The following HSD17B3 variants were observed in gnomAD, a reference collection of about 807,000 sequenced individuals.
HSD17B3 encodes the protein 17-beta-hydroxysteroid dehydrogenase type 3.
HSD17B3 carries 29 observed loss-of-function variants against 41.1 expected under a neutral mutation model. That is an observed-to-expected ratio of 0.71 (90% CI 0.53 to 0.96). The LOEUF (loss-of-function observed/expected upper bound fraction) is 0.96. HSD17B3 is among the 40% of genes least tolerant of loss of function. HSD17B3 has a pLI of 0.00. For synonymous variants in HSD17B3, 126 were observed against 145.6 expected (o/e 0.87, Z 0.97); for missense variants, 323 against 374.6 (o/e 0.86, Z 1.14).
At chr9:96,245,498 G>C (rs879766927) in intron 7 of HSD17B3, 72 bp from the exon 8 acceptor site, 3 of 1,151,624 alleles carry the variant, frequency 2.6e-6, no homozygotes, top group Non-Finnish European at 3.9e-6. Context: ...GAAAACAAAG[G>C]GTCCCGTGTG....
chr9:96,250,649 G>A (rs1836860051), intron 5 of HSD17B3, among the ~76,000 whole-genome samples: 1 of 152,146 alleles, frequency 6.6e-6, no homozygotes, highest in African/African-American at 2.4e-5. Context: ...CACTTTGGGA[G>A]GCCGAGCCAG....
chr9:96,288,334 G>A (rs1225063262), intron 2 of HSD17B3, among the ~76,000 whole-genome samples: 1 of 152,116 alleles, frequency 6.6e-6, no homozygotes, highest in Non-Finnish European at 1.5e-5. Flanking sequence ...TGACACCATC[G>A]ATCCTGAAGT....
At chr9:96,277,921 G>A (rs1488166632) in intron 2 of HSD17B3, among the ~76,000 whole-genome samples, 2 of 151,730 alleles carry the variant, frequency 1.3e-5, no homozygotes, top group Non-Finnish European at 2.9e-5. Context: ...TGACATTTAT[G>A]ACAACATGGA....
chr9:96,264,382 A>G (rs1019917972), intron 2 of HSD17B3, among the ~76,000 whole-genome samples: 1 of 152,226 alleles, frequency 6.6e-6, no homozygotes, highest in African/African-American at 2.4e-5. Flanking sequence ...TGTATGGATC[A>G]ATGATAATAA....
chr9:96,275,165 G>C (rs368789031), intron 2 of HSD17B3, among the ~76,000 whole-genome samples: 2 of 151,876 alleles, frequency 1.3e-5, no homozygotes, highest in African/African-American at 2.4e-5. Context: ...GAAAGATAAC[G>C]TGTTTCCCAG....
intron 2 of HSD17B3, among the ~76,000 whole-genome samples, chr9:96,256,030 T>G (rs1382814449): frequency 6.6e-6 from 1 of 152,198 alleles, no homozygotes; most frequent in Non-Finnish European, 1.5e-5. Context: ...GTGAGAAAAG[T>G]TAGAGTTTTT....
At chr9:96,268,670 C>G (rs905071099) in intron 2 of HSD17B3, among the ~76,000 whole-genome samples, 2 of 152,124 alleles carry the variant, frequency 1.3e-5, no homozygotes, top group Admixed American at 6.5e-5. Context: ...TTTGGAAAGC[C>G]AGGCATGGTG....
At chr9:96,288,833 A>G (rs1001715650) in intron 2 of HSD17B3, among the ~76,000 whole-genome samples, 4 of 151,856 alleles carry the variant, frequency 2.6e-5, no homozygotes, top group African/African-American at 9.7e-5. Context: ...GCTACTGAGG[A>G]GGCTGAGGCA....
rs1163030014 is a variant in HSD17B3 at position 96,273,247 on chromosome 9, TAGTCCACACACCCCCATA to T, written c.202-18322_202-18305del. On this transcript the variant is annotated intron_variant, in intron 2 of 10. Transcript: ENST00000375263. The stretch of plus-strand genomic sequence containing the variant: ...ATCTCTCTATAGTACTATGAGATCT[TAGTCCACACACCCCCATA>T]ATTTAACATTTATCCACCAATAAAA... 3.3e-5 allele frequency among the ~76,000 whole-genome samples: 5 copies of T among 152,314 alleles called. No individual in the cohort carries two copies. The East Asian group carries it at 7.7e-4, about 23-fold the overall frequency.
At chr9:96,296,159 T>C (rs1377842271) in intron 2 of HSD17B3, among the ~76,000 whole-genome samples, 1 of 151,768 alleles carries the variant, frequency 6.6e-6, no homozygotes, top group Non-Finnish European at 1.5e-5. Context: ...TGAGTGGGAG[T>C]ATCACTTGAG....
At chr9:96,298,554 G>T in intron 1 of HSD17B3, 92 bp from the exon 2 acceptor site, 1 of 1,064,282 alleles carries the variant, frequency 9.4e-7, no homozygotes, top group Non-Finnish European at 1.5e-6. Flanking sequence ...CTAGTCTCCA[G>T]GGCAGTCAGT....
At chr9:96,285,676 T>C (rs1171916922) in intron 2 of HSD17B3, among the ~76,000 whole-genome samples, 4 of 152,214 alleles carry the variant, frequency 2.6e-5, no homozygotes, top group South Asian at 4.1e-4. Context: ...ATCTTCCAGA[T>C]ACCACCTTTT....
Position 96,249,509 on chromosome 9 carries a change from A to G in HSD17B3, c.489+242T>C, listed in dbSNP as rs1259735359. ...GCATCATCGAGCTTAGTATGTTCCA[A>G]CGTGTGACAAAACTGAAAGCAGAAA... On this transcript the variant is annotated intron_variant, in intron 6 of 10. Coordinates refer to ENST00000375263, the MANE Select transcript of HSD17B3 (RefSeq NM_000197.2). 5.2e-6 allele frequency: 3 copies of G among 576,700 alleles called. No homozygotes were observed. In the African/African-American group the frequency reaches 5.6e-5, roughly 11 times the overall value. 35.7% of individuals were successfully genotyped at this position (576,700 alleles called of 1,614,324 possible).
At chr9:96,247,743 A>G (rs922307976) in intron 6 of HSD17B3, among the ~76,000 whole-genome samples, 8 of 152,174 alleles carry the variant, frequency 5.3e-5, no homozygotes, top group African/African-American at 1.9e-4. Context: ...TGTTGGCTGA[A>G]TGATCCCAAT....
At chr9:96,289,704 G>T (rs143313557) in intron 2 of HSD17B3, among the ~76,000 whole-genome samples, 2 of 152,172 alleles carry the variant, frequency 1.3e-5, no homozygotes, top group Non-Finnish European at 1.5e-5. Context: ...TGGGCCAAGA[G>T]GGGGGCGCCC....
intron 2 of HSD17B3, among the ~76,000 whole-genome samples, chr9:96,280,413 C>T (rs1488278011): frequency 6.6e-6 from 1 of 152,142 alleles, no homozygotes; most frequent in East Asian, 1.9e-4. Flanking sequence ...GGCTAGCAAG[C>T]CTTCTAATGA....
chr9:96,252,554 A>G (rs35567655), intron 4 of HSD17B3, among the ~76,000 whole-genome samples: 2,188 of 152,012 alleles, frequency 0.014, 55 homozygotes, highest in African/African-American at 0.05. Flanking sequence ...AAAAAAAAAA[A>G]AAAAGAAAAG....
chr9:96,297,599 G>A (rs1827416975), intron 2 of HSD17B3, among the ~76,000 whole-genome samples: 2 of 151,830 alleles, frequency 1.3e-5, no homozygotes, highest in Admixed American at 6.6e-5. Context: ...CACCTGCCTC[G>A]GCCTCCCAAA....
intron 2 of HSD17B3, among the ~76,000 whole-genome samples, chr9:96,260,474 A>G (rs1397165818): frequency 6.6e-6 from 1 of 152,168 alleles, no homozygotes; most frequent in Non-Finnish European, 1.5e-5. Flanking sequence ...GTTTGGGCCA[A>G]CCTAACTTTG....
Sources: gnomAD v4.1 joint callset for allele counts (sites outside exome capture counted in the v4.1 genomes callset) on GRCh38, gnomAD v4.1.1 for gene constraint, MANE v1.5 for transcripts, NCBI Gene and HGNC (gene_info 2026-07-23, HGNC 2026-07-21) for gene names.